TERF1: variants seen among roughly 807,000 people sequenced by gnomAD.
TERF1 encodes the protein telomeric repeat binding factor 1.
Under a neutral mutation model 55.1 loss-of-function variants are expected in TERF1, and 20 were observed. The observed-to-expected ratio is 0.36, with a 90% CI of 0.26 to 0.53. TERF1 has a LOEUF of 0.53. Ranked by LOEUF, TERF1 falls within the 20% of genes least tolerant of loss-of-function variation. TERF1 has a pLI of 0.91. For missense variants in TERF1, 439 were observed against 535.7 expected, an observed-to-expected ratio of 0.82 and a Z score of 1.78; for synonymous variants, 168 against 181.2, an observed-to-expected ratio of 0.93 and a Z score of 0.59.
At chr8:73,042,875 A>C (rs1048250225) in intron 9 of TERF1, 1 of 152,176 alleles carries the variant, frequency 6.6e-6, no homozygotes, top group Non-Finnish European at 1.5e-5. Context: ...ATTTTTTGAG[A>C]AAATAAAAGA....
rs781389776 is a variant in TERF1, at chr8:73,008,937, T to G, written c.51T>G (p.Asp17Glu). ...CCCCGAGCCCGCGGGGCTGTGCGGA[T>G]GGTAGGGATGCCGACCCTACTGAGG... ...SAAPSPRGCA[D>E]GRDADPTEEQ... The change falls in exon 1 of 10, where the codon GAT (aspartate) becomes GAG (glutamate). Residue 17 changes from aspartate to glutamate, a missense_variant. Transcript: ENST00000276603. The G allele has an allele frequency of 5.0e-6, 8 of 1,612,690 alleles. No individual in the cohort carries two copies. Among genetic ancestry groups the G allele is most frequent in the South Asian group, 1.1e-5 (1 of 90,800 alleles).
intron 9 of TERF1, among the ~76,000 whole-genome samples, chr8:73,040,001 CTT>C (rs33975806): frequency 5.2e-4 from 60 of 114,310 alleles, no homozygotes; most frequent in South Asian, 5.6e-4. Flanking sequence ...TCGAAGGTGC[CTT>C]TTTTTTTTTT....
chr8:73,040,555 G>T (rs555910460), intron 9 of TERF1, among the ~76,000 whole-genome samples: 1 of 152,044 alleles, frequency 6.6e-6, no homozygotes, highest in South Asian at 2.1e-4. Context: ...GATTTTTTTT[G>T]CAGTTTGAAT....
intron 8 of TERF1, among the ~76,000 whole-genome samples, chr8:73,037,577 T>A (rs1376705793): frequency 1.8e-5 from 2 of 110,298 alleles, no homozygotes; most frequent in Non-Finnish European, 3.5e-5. Flanking sequence ...ATATATTTTT[T>A]ATATATAATA....
intron 6 of TERF1, among the ~76,000 whole-genome samples, chr8:73,028,600 A>G (rs1372622358): frequency 1.6e-5 from 2 of 121,298 alleles, no homozygotes; most frequent in Non-Finnish European, 3.2e-5. Context: ...TTTTTTACAT[A>G]CAGTCTTATC....
At chr8:73,037,794 AGTATAAT>A (rs1809642588) in intron 8 of TERF1, among the ~76,000 whole-genome samples, 1 of 15,318 alleles carries the variant, frequency 6.5e-5, no homozygotes, top group Non-Finnish European at 1.9e-4. Flanking sequence ...TATAATATAT[AGTATAAT>A]AATATATATA....
intron 8 of TERF1, 27 bp downstream of exon 8, chr8:73,032,160 A>AGG: frequency 1.3e-6 from 2 of 1,517,582 alleles, no homozygotes; most frequent in Non-Finnish European, 1.8e-6. Flanking sequence ...CAGTTTTAGA[A>AGG]GGGGAGAATT....
chr8:73,038,991 A>T, intron 8 of TERF1, 125 bp from the exon 9 acceptor site: 1 of 838,244 alleles, frequency 1.2e-6, no homozygotes, highest in Admixed American at 3.2e-5. Flanking sequence ...TGAAGGAAAA[A>T]GTTAAACATG....
At chr8:73,037,674 T>A (rs1466661853) in intron 8 of TERF1, among the ~76,000 whole-genome samples, 1,831 of 71,916 alleles carry the variant, frequency 0.025, 38 homozygotes, top group Middle Eastern at 0.1. Context: ...AATATTATAT[T>A]ATATATAATA....
At chr8:73,037,866 TATATA>T (rs1264522973) in intron 8 of TERF1, among the ~76,000 whole-genome samples, 3 of 112,448 alleles carry the variant, frequency 2.7e-5, no homozygotes, top group African/African-American at 3.7e-5. Flanking sequence ...ATAAATATGA[TATATA>T]ATATATATAA....
At position 73,044,274 on chromosome 8, in the gene TERF1, CAA is replaced by C. The variant is rs1201673358; in HGVS notation, c.1144-1684_1144-1683del. Among the ~76,000 whole-genome samples, 4 of 152,228 alleles carry C rather than the reference CAA, an allele frequency of 2.6e-5. No homozygotes were observed. The East Asian group carries it at 5.8e-4, about 22-fold the overall frequency. On this transcript the variant is annotated intron_variant, in intron 9 of 9. Transcript: ENST00000276603. ...TGCCGATAGGTGTGCTGCAGACAAA[CAA>C]AAGCAAAAGCACGTACAGAAGAGAC...
intron 2 of TERF1, among the ~76,000 whole-genome samples, chr8:73,014,362 A>C (rs1808405708): frequency 6.6e-6 from 1 of 151,836 alleles, no homozygotes; most frequent in South Asian, 2.1e-4. Flanking sequence ...TTCTGATGCT[A>C]CTCTTGGGGA....
Position 73,018,720 on chromosome 8 carries a change from A to G in TERF1, c.416-1964A>G, listed in dbSNP as rs570299826. ...ATAAAAATAAAAAATTCTCTTTATT[A>G]TGCTTATTTGTTGCATACTTGCTAT... On this transcript the variant is annotated intron_variant, in intron 2 of 9. Coordinates refer to ENST00000276603, the MANE Select transcript of TERF1 (RefSeq NM_017489.3). Among the ~76,000 whole-genome samples the G allele has an allele frequency of 3.9e-5, 6 of 152,324 alleles. No individual in the cohort carries two copies. The South Asian group carries it at 8.3e-4, about 21-fold the overall frequency.
At position 73,009,225 on chromosome 8, in the gene TERF1, G is replaced by A. The variant is rs746370012; in HGVS notation, c.319+20G>A. 6.9e-6 allele frequency: 11 copies of A among 1,595,406 alleles called. No individual in the cohort carries two copies. The South Asian group carries it at 1.0e-4, about 14-fold the overall frequency. ...CAGAGGGTGAGTGCAGACCGCGTCC[G>A]GGCCGGGACTACGCGGGGGGCGGAT... On this transcript the variant is annotated intron_variant, in intron 1 of 9. Transcript: ENST00000276603.
intron 1 of TERF1, chr8:73,010,474 A>C (rs980564886): frequency 6.6e-6 from 1 of 152,192 alleles, no homozygotes; most frequent in African/African-American, 2.4e-5. Flanking sequence ...ACTTAGAAAT[A>C]TTTGCATATG....
intron 5 of TERF1, 61 bp downstream of exon 5, chr8:73,025,032 G>A (rs1191297081): frequency 2.9e-6 from 3 of 1,017,214 alleles, no homozygotes; most frequent in African/African-American, 3.3e-5. Context: ...TAATAAAGGA[G>A]AATACTTGAA....
rs868579684 is a variant in TERF1, at chr8:73,037,689, T to C, written c.1040-1427T>C. Among the ~76,000 whole-genome samples the C allele has an allele frequency of 3.2e-3, 156 of 48,978 alleles. 3 individuals carry two copies. Among genetic ancestry groups the C allele is most frequent in the African/African-American group, 9.8e-3 (110 of 11,214 alleles). The allele number at this position is 48,978 out of a possible 152,430, so 32.1% of individuals were successfully genotyped here. A position where few individuals can be genotyped will look rare whatever the true frequency, so the allele number is the denominator to read the frequency against. ...AATATTATATTATATATAATATATA[T>C]TATATAGTATAATATTATATTATAT... On this transcript the variant is annotated intron_variant, in intron 8 of 9. Transcript: ENST00000276603.
At chr8:73,027,975 T>C (rs1200658155) in intron 6 of TERF1, among the ~76,000 whole-genome samples, 1 of 152,184 alleles carries the variant, frequency 6.6e-6, no homozygotes, top group African/African-American at 2.4e-5. Context: ...GGTTCATCTC[T>C]CCAAAGGCTG....
chr8:73,030,343 G>A lies in TERF1; in HGVS notation c.895G>A (p.Asp299Asn). The A allele has an allele frequency of 6.5e-7, 1 of 1,531,094 alleles. No individual in the cohort carries two copies. Among genetic ancestry groups the A allele is most frequent in the South Asian group, 1.3e-5 (1 of 75,392 alleles). The allele number at this position is 1,531,094 out of a possible 1,614,324, so 94.8% of individuals were successfully genotyped here. A position where few individuals can be genotyped will look rare whatever the true frequency, so the allele number is the denominator to read the frequency against. ...ANLDTRKSVS[D>N]KQSAVTESSE... Reference sequence around the variant, plus strand: ...TTTTTTCTTCTTTTAAAGTGTTAGTGACAAACAGTCTGCGGTAACTGAATC... The same window carrying A: ...TTTTTTCTTCTTTTAAAGTGTTAGTAACAAACAGTCTGCGGTAACTGAATC... The change falls in exon 7 of 10, where the codon GAC becomes AAC. Residue 299 changes from aspartate to asparagine, a missense_variant. Around this residue, in one of 4 missense-constraint regions of TERF1, gnomAD observed 140 missense variants for 158.6 expected, o/e 0.88. Transcript: ENST00000276603.
Sources: gnomAD v4.1 joint callset for allele counts (sites outside exome capture counted in the v4.1 genomes callset) on GRCh38, gnomAD v4.1.1 for gene constraint, gnomAD v4.1.1 regional missense constraint, MANE v1.5 for transcripts, NCBI Gene and HGNC (gene_info 2026-07-23, HGNC 2026-07-21) for gene names.